PTPRR: variants seen among roughly 807,000 people sequenced by gnomAD.
The protein encoded by PTPRR is receptor-type tyrosine-protein phosphatase R.
PTPRR carries 38 observed loss-of-function variants against 77.2 expected under a neutral mutation model. The observed-to-expected ratio is 0.49, with a 90% confidence interval of 0.38 to 0.65. PTPRR has a LOEUF of 0.65. Among genes scored for constraint, PTPRR ranks in the 30% least tolerant of loss-of-function variants. The pLI is 0.00. For synonymous variants in PTPRR, 299 were observed against 283.1 expected (o/e 1.06, Z -0.57); for missense variants, 744 against 799.2 (o/e 0.93, Z 0.83).
intron 6 of PTPRR, among the ~76,000 whole-genome samples, chr12:70,718,010 A>C (rs1398825526): frequency 6.6e-6 from 1 of 152,240 alleles, no homozygotes; most frequent in Non-Finnish European, 1.5e-5. Context: ...ATCTATGCTA[A>C]GAAAAGAAAA....
intron 5 of PTPRR, among the ~76,000 whole-genome samples, chr12:70,747,416 T>C (rs1592728412): frequency 1.3e-5 from 2 of 152,240 alleles, no homozygotes; most frequent in South Asian, 2.1e-4. Flanking sequence ...GCATATATTA[T>C]ATATTTTAAG....
At chr12:70,828,805 T>C (rs1892160971) in intron 2 of PTPRR, among the ~76,000 whole-genome samples, 2 of 152,242 alleles carry the variant, frequency 1.3e-5, no homozygotes, top group African/African-American at 4.8e-5. Context: ...AACCACTTAA[T>C]GTTGATAGTG....
intron 1 of PTPRR, among the ~76,000 whole-genome samples, chr12:70,912,832 A>G (rs1592830345): frequency 6.6e-6 from 1 of 152,280 alleles, no homozygotes; most frequent in East Asian, 1.9e-4. Flanking sequence ...ATCTTAAAAT[A>G]ATATTTTAGC....
chr12:70,722,658 G>T (rs1379069278), intron 6 of PTPRR, among the ~76,000 whole-genome samples: 3 of 152,034 alleles, frequency 2.0e-5, no homozygotes, highest in Non-Finnish European at 2.9e-5. Context: ...AGTGACGAGG[G>T]ATATGTTTAT....
intron 2 of PTPRR, among the ~76,000 whole-genome samples, chr12:70,793,953 T>A (rs1488433341): frequency 6.6e-6 from 1 of 152,128 alleles, no homozygotes; most frequent in Non-Finnish European, 1.5e-5. Context: ...AGAAATAAGG[T>A]TTATATTTCT....
chr12:70,764,551 A>G (rs1382746536), intron 3 of PTPRR, 114 bp downstream of exon 3: 2 of 801,134 alleles, frequency 2.5e-6, no homozygotes, highest in Admixed American at 2.3e-5. Flanking sequence ...TTGCAAAAAC[A>G]TGACGTGCCG....
chr12:70,755,111 A>G (rs1401819653), intron 4 of PTPRR, among the ~76,000 whole-genome samples: 1 of 152,154 alleles, frequency 6.6e-6, no homozygotes, highest in African/African-American at 2.4e-5. Context: ...TCTTAGATTA[A>G]AATTCAGTTG....
intron 2 of PTPRR, among the ~76,000 whole-genome samples, chr12:70,766,041 A>G (rs930449184): frequency 8.5e-5 from 13 of 152,210 alleles, no homozygotes; most frequent in Admixed American, 2.6e-4. Flanking sequence ...GACCAAAAGT[A>G]GATAAAACCA....
intron 2 of PTPRR, among the ~76,000 whole-genome samples, chr12:70,829,644 C>T (rs915094106): frequency 2.0e-5 from 3 of 152,170 alleles, no homozygotes; most frequent in African/African-American, 4.8e-5. Flanking sequence ...CTTCTCTCTG[C>T]ATGGCACTTT....
chr12:70,665,489 C>A (rs1178982688), intron 10 of PTPRR, among the ~76,000 whole-genome samples: 2 of 142,360 alleles, frequency 1.4e-5, no homozygotes, highest in African/African-American at 5.1e-5. Context: ...TCAAGCGATT[C>A]TCCCGCCTCA....
chr12:70,651,691 A>G (rs1487246780), intron 13 of PTPRR, among the ~76,000 whole-genome samples: 3 of 152,348 alleles, frequency 2.0e-5, no homozygotes, highest in Admixed American at 2.0e-4. Flanking sequence ...AAAATGGCAG[A>G]GTATTATCAA....
At chr12:70,862,678 C>A (rs2137080471) in intron 2 of PTPRR, among the ~76,000 whole-genome samples, 1 of 151,352 alleles carries the variant, frequency 6.6e-6, no homozygotes, top group Non-Finnish European at 1.5e-5. Context: ...CAGCATGGCA[C>A]ATGTATACAT....
chr12:70,683,683 T>C (rs1392868670), intron 10 of PTPRR, among the ~76,000 whole-genome samples: 1 of 152,222 alleles, frequency 6.6e-6, no homozygotes, highest in Admixed American at 6.5e-5. Flanking sequence ...AAGTTTATTA[T>C]GTGTAGTGTT....
intron 2 of PTPRR, among the ~76,000 whole-genome samples, chr12:70,770,369 C>T (rs35229303): frequency 0.34 from 50,881 of 151,860 alleles, 9,818 homozygotes; most frequent in African/African-American, 0.53. Context: ...AGACACTTCT[C>T]GAAAGAAGAC....
intron 1 of PTPRR, among the ~76,000 whole-genome samples, chr12:70,912,038 TA>T (rs1893708153): frequency 6.6e-6 from 1 of 152,218 alleles, no homozygotes; most frequent in Non-Finnish European, 1.5e-5. Flanking sequence ...TTCTTCTGTT[TA>T]AGCTACTTTA....
intron 2 of PTPRR, among the ~76,000 whole-genome samples, chr12:70,860,454 C>G (rs373425435): frequency 3.3e-5 from 5 of 152,172 alleles, no homozygotes; most frequent in South Asian, 4.1e-4. Flanking sequence ...TACAGGTAGA[C>G]AGAAAGTTCA....
chr12:70,838,450 GA>G (rs1431466834), intron 2 of PTPRR, among the ~76,000 whole-genome samples: 5 of 152,142 alleles, frequency 3.3e-5, no homozygotes, highest in African/African-American at 1.2e-4. Context: ...CTTGACAAAG[GA>G]GAAAGCTCTT....
chr12:70,874,848 G>T (rs1893022405), intron 2 of PTPRR, among the ~76,000 whole-genome samples: 1 of 150,144 alleles, frequency 6.7e-6, no homozygotes, highest in African/African-American at 2.5e-5. Flanking sequence ...CTTGAACCCA[G>T]GAGGAGGAGG....
chr12:70,649,473 C>CCTTTTT (rs1566042014), intron 13 of PTPRR, among the ~76,000 whole-genome samples: 7 of 152,282 alleles, frequency 4.6e-5, no homozygotes, highest in Admixed American at 3.3e-4. Flanking sequence ...CTGTGAAGCT[C>CCTTTTT]GTATTCTGCC....
Sources: allele counts gnomAD v4.1 joint callset (sites outside exome capture counted in the v4.1 genomes callset), GRCh38; gene constraint gnomAD v4.1.1; transcripts MANE v1.5; gene names NCBI Gene and HGNC (gene_info 2026-07-23, HGNC 2026-07-21).